The following PPP2R2C variants were observed in gnomAD, a reference collection of about 807,000 sequenced individuals.
PPP2R2C encodes protein phosphatase 2 regulatory subunit Bgamma, also known as protein phosphatase 2, regulatory subunit B, gamma.
In PPP2R2C, 10 loss-of-function variants were observed where a neutral mutation model predicts 45.3. The ratio of observed to expected loss-of-function variants is 0.22; its 90% CI spans 0.14 to 0.37. The LOEUF (loss-of-function observed/expected upper bound fraction) is 0.37, where lower values mean the gene tolerates loss of function less well. Ranked by LOEUF, PPP2R2C falls within the 10% of genes least tolerant of loss-of-function variation. The pLI is 1.00. For synonymous variants in PPP2R2C, 257 were observed against 245.4 expected, an observed-to-expected ratio of 1.05 and a Z score of -0.44; for missense variants, 308 against 619.7, an observed-to-expected ratio of 0.50 and a Z score of 5.34.
intron 1 of PPP2R2C, among the ~76,000 whole-genome samples, chr4:6,460,284 G>T (rs1721256666): frequency 6.6e-6 from 1 of 152,174 alleles, no homozygotes; most frequent in African/African-American, 2.4e-5. Flanking sequence ...AACTCAATAT[G>T]CCTGGTGTCC....
chr4:6,534,885 C>T (rs1007397685), intron 2 of PPP2R2C, among the ~76,000 whole-genome samples: 25 of 152,386 alleles, frequency 1.6e-4, no homozygotes, highest in African/African-American at 4.8e-4. Flanking sequence ...CCCACTGCTG[C>T]GACCCCAGGG....
At chr4:6,346,521 TCTGTCTCCCCCGCAGA>T (rs1711954212) in intron 6 of PPP2R2C, among the ~76,000 whole-genome samples, 1 of 152,158 alleles carries the variant, frequency 6.6e-6, no homozygotes, top group Non-Finnish European at 1.5e-5. Context: ...GTGTTCACTG[TCTGTCTCCCCCGCAGA>T]CGCCAGCTCC....
At chr4:6,469,458 A>G (rs751952619) in intron 1 of PPP2R2C, among the ~76,000 whole-genome samples, 1 of 152,224 alleles carries the variant, frequency 6.6e-6, no homozygotes, top group African/African-American at 2.4e-5. Context: ...ACTGAATTTT[A>G]GCATCCACTG....
intron 6 of PPP2R2C, among the ~76,000 whole-genome samples, chr4:6,340,825 C>A (rs374529600): frequency 8.5e-5 from 13 of 152,368 alleles, no homozygotes; most frequent in South Asian, 2.1e-4. Context: ...CTTGCTCTGG[C>A]CTGTGAGGCC....
intron 6 of PPP2R2C, among the ~76,000 whole-genome samples, chr4:6,343,157 C>T (rs766684595): frequency 3.9e-5 from 6 of 152,184 alleles, no homozygotes; most frequent in South Asian, 2.1e-4. Flanking sequence ...AATTGGAAAG[C>T]GGCTGCGTGC....
In PPP2R2C at chr4:6,330,556, G is replaced by A; in HGVS notation, c.961-1203C>T. On this transcript the variant is annotated intron_variant, in intron 7 of 8. Coordinates refer to ENST00000382599, the MANE Select transcript of PPP2R2C (RefSeq NM_020416.4). This position sits in a 1 kb window ranked among gnomAD's most constrained non-coding sequence, Gnocchi z 7.0. ...AAGACAGACCTCCCTGAGGACCGGG[G>A]GATTCCGCTAACAGATGCGTGTGGG... Among the ~76,000 whole-genome samples, 1 of 152,126 alleles carries A rather than the reference G, an allele frequency of 6.6e-6. No homozygotes were observed. Among genetic ancestry groups the A allele is most frequent in the East Asian group, 1.9e-4 (1 of 5,192 alleles).
chr4:6,375,964 A>G (rs1577123568), intron 3 of PPP2R2C, 33 bp from the exon 4 acceptor site: 1 of 1,553,844 alleles, frequency 6.4e-7, no homozygotes. Flanking sequence ...AGCGAGTCAC[A>G]TAATTAAGCA....
At chr4:6,516,231 G>C (rs1723824230) in intron 2 of PPP2R2C, among the ~76,000 whole-genome samples, 1 of 152,212 alleles carries the variant, frequency 6.6e-6, no homozygotes, top group South Asian at 2.1e-4. Flanking sequence ...GTGTGGTCCT[G>C]ACTGCCCATC....
At position 6,372,733 on chromosome 4, in the gene PPP2R2C, A is replaced by G. The variant is rs764876275; in HGVS notation, c.448-33T>C. ...GGATGAGGAGGCAGGGAAGAGGTGAAGGCCAGGTGGTGGCATCAGGACATA... is the reference window on the plus strand; with the variant it reads ...GGATGAGGAGGCAGGGAAGAGGTGAGGGCCAGGTGGTGGCATCAGGACATA... On this transcript the variant is annotated intron_variant, in intron 4 of 8. Coordinates refer to ENST00000382599, the MANE Select transcript of PPP2R2C (RefSeq NM_020416.4). 4 of 1,606,318 alleles carry G rather than the reference A, an allele frequency of 2.5e-6. No homozygotes were observed. The Admixed American group carries it at 6.7e-5, about 27-fold the overall frequency.
rs1234341146 is a variant in PPP2R2C at position 6,429,899 on chromosome 4, G to A, written c.70+42261C>T. ...ATGCCCACAGCATCCGAGAGGGTCT[G>A]GGAAGGAGGTCTATTGAAAGATGAC... On this transcript the variant is annotated intron_variant, in intron 1 of 8. Transcript: ENST00000382599. 2.0e-5 allele frequency among the ~76,000 whole-genome samples: 3 copies of A among 152,056 alleles called. No homozygotes were observed. The East Asian group carries it at 5.8e-4, about 29-fold the overall frequency.
rs185975160 is a variant in PPP2R2C, at chr4:6,533,051, C to T, written c.49+2220G>A. Among the ~76,000 whole-genome samples the T allele has an allele frequency of 1.2e-4, 19 of 152,274 alleles. No individual in the cohort carries two copies. In the South Asian group the frequency reaches 1.9e-3, roughly 15 times the overall value. On this transcript the variant is annotated intron_variant, in intron 2 of 9. Transcript: ENST00000506140. ...CAGGGGTAAGCAGGGGGATGAGAGA[C>T]GGCTCTGGTCTTGAGTTAATGACAC...
At chr4:6,412,435 G>T (rs111379503) in intron 1 of PPP2R2C, among the ~76,000 whole-genome samples, 7 of 152,168 alleles carry the variant, frequency 4.6e-5, no homozygotes, top group African/African-American at 1.7e-4. Flanking sequence ...ATATCACAGG[G>T]GCTCACCCCT....
rs1433507254 is a variant in PPP2R2C at position 6,390,573 on chromosome 4, A to C, written c.71-9479T>G. On this transcript the variant is annotated intron_variant, in intron 1 of 8. Transcript: ENST00000382599. ...GCGGGCGCATGGGAGGGGAAGCGCC[A>C]AGTCTGGGCGGAGTCAGACTGTTGC... Among the ~76,000 whole-genome samples the C allele has an allele frequency of 2.6e-5, 4 of 152,226 alleles. 1 individual carries two copies. The South Asian group carries it at 8.3e-4, about 31-fold the overall frequency.
chr4:6,478,562 T>C (rs1323679379), intron 2 of PPP2R2C, among the ~76,000 whole-genome samples: 1 of 152,196 alleles, frequency 6.6e-6, no homozygotes, highest in African/African-American at 2.4e-5. Context: ...GAAACACGCA[T>C]GTGATATGTT....
chr4:6,372,781 C>T (rs768054694), intron 4 of PPP2R2C, 81 bp from the exon 5 acceptor site: 394 of 1,416,514 alleles, frequency 2.8e-4, no homozygotes, highest in Non-Finnish European at 6.3e-5. Context: ...CATGTGATCC[C>T]AACCGGAGGC....
intron 1 of PPP2R2C, among the ~76,000 whole-genome samples, chr4:6,406,313 C>T (rs1266531479): frequency 6.6e-6 from 1 of 152,204 alleles, no homozygotes; most frequent in Non-Finnish European, 1.5e-5. Flanking sequence ...TCTTAACCCA[C>T]TATCATTTTA....
intron 1 of PPP2R2C, among the ~76,000 whole-genome samples, chr4:6,391,917 G>A (rs1038185748): frequency 2.0e-5 from 3 of 152,210 alleles, no homozygotes; most frequent in East Asian, 1.9e-4. Flanking sequence ...TCTCTGAGTC[G>A]ATCTGTCCAT....
chr4:6,474,296 G>C (rs1722058341), upstream of PPP2R2C, among the ~76,000 whole-genome samples: 1 of 151,940 alleles, frequency 6.6e-6, no homozygotes, highest in Admixed American at 6.6e-5. Context: ...GAGAAAGACA[G>C]GCTGGGTTCA....
chr4:6,351,854 G>A (rs989139108), intron 5 of PPP2R2C, among the ~76,000 whole-genome samples: 8 of 152,156 alleles, frequency 5.3e-5, no homozygotes, highest in Admixed American at 1.3e-4. Flanking sequence ...CACCTGGTCC[G>A]TGCGACCGCC....
Sources: gnomAD v4.1 joint callset for allele counts (sites outside exome capture counted in the v4.1 genomes callset) on GRCh38, gnomAD v4.1.1 for gene constraint, Gnocchi (gnomAD v3.1) non-coding constraint, MANE v1.5 for transcripts, NCBI Gene and HGNC (gene_info 2026-07-23, HGNC 2026-07-21) for gene names.